Variants in C3orf22 observed in about 807,000 individuals in gnomAD.
C3orf22 encodes the protein uncharacterized protein C3orf22.
Under a neutral mutation model 10.8 loss-of-function variants are expected in C3orf22, and 7 were observed. That is an observed-to-expected ratio of 0.65 (90% confidence interval 0.37 to 1.22). The LOEUF (loss-of-function observed/expected upper bound fraction) is 1.22. Among genes scored for constraint, C3orf22 ranks in the 50% most tolerant of loss-of-function variants. The pLI is 0.02. For missense variants in C3orf22, 173 were observed against 177.0 expected (o/e 0.98, Z 0.13); for synonymous variants, 79 against 78.9 (o/e 1.00, Z 0.00).
intron 3 of C3orf22, among the ~76,000 whole-genome samples, chr3:126,551,146 C>T (rs1476098856): frequency 6.6e-6 from 1 of 152,186 alleles, no homozygotes; most frequent in African/African-American, 2.4e-5. Context: ...GCACTACTAT[C>T]TCTCCAGGTG....
intron 4 of C3orf22, chr3:126,536,205 C>G (rs1358240041): frequency 1.4e-6 from 2 of 1,447,100 alleles, no homozygotes; most frequent in Non-Finnish European, 1.9e-6. Context: ...GATGGGTTGG[C>G]CAAACCCCCA....
intron 4 of C3orf22, chr3:126,536,175 A>T: frequency 1.1e-6 from 1 of 942,818 alleles, no homozygotes. Context: ...TGAGTGCCAG[A>T]GGTGGGTCAA....
chr3:126,557,493 C>A (rs754979030), intron 1 of C3orf22, among the ~76,000 whole-genome samples: 6 of 152,224 alleles, frequency 3.9e-5, no homozygotes, highest in Admixed American at 1.3e-4. Flanking sequence ...CCATGCTGCT[C>A]ATCCATCCCT....
chr3:126,556,985 TACAG>T (rs984224341), intron 1 of C3orf22, among the ~76,000 whole-genome samples: 30 of 137,266 alleles, frequency 2.2e-4, no homozygotes, highest in Non-Finnish European at 4.0e-4. Flanking sequence ...TACACACACA[TACAG>T]ACACATAGAC....
At chr3:126,557,421 C>G (rs915397370) in intron 1 of C3orf22, among the ~76,000 whole-genome samples, 29 of 152,250 alleles carry the variant, frequency 1.9e-4, no homozygotes, top group African/African-American at 7.0e-4. Flanking sequence ...ATCTGGGATT[C>G]CGGAGTCCTC....
At chr3:126,528,703 G>A (rs1936585168) in intron 5 of C3orf22, among the ~76,000 whole-genome samples, 2 of 152,190 alleles carry the variant, frequency 1.3e-5, no homozygotes, top group South Asian at 2.1e-4. Context: ...GGGGATCTGG[G>A]CAGACTGGGG....
intron 4 of C3orf22, among the ~76,000 whole-genome samples, chr3:126,539,836 C>T (rs1190030283): frequency 1.2e-5 from 1 of 84,832 alleles, no homozygotes; most frequent in Non-Finnish European, 2.2e-5. Flanking sequence ...ACCACACACA[C>T]ACCACACACA....
At chr3:126,551,667 C>T (rs561227356) in intron 3 of C3orf22, among the ~76,000 whole-genome samples, 1 of 152,320 alleles carries the variant, frequency 6.6e-6, no homozygotes, top group East Asian at 1.9e-4. Flanking sequence ...AAGCTCCTGG[C>T]TCCTTCCCTT....
At chr3:126,542,201 C>G in intron 4 of C3orf22, 1 of 1,445,382 alleles carries the variant, frequency 6.9e-7, no homozygotes, top group South Asian at 1.4e-5. Flanking sequence ...CCCCGACGCC[C>G]GGGCCCGCGG....
rs1380656726 is a variant in C3orf22 at position 126,558,764 on chromosome 3, C to G, written c.-178G>C. On this transcript the variant is annotated 5_prime_UTR_variant, in exon 1 of 4. Coordinates refer to ENST00000318225, the MANE Select transcript of C3orf22 (RefSeq NM_152533.3). ...CTGGCAGGGCCCTGGCTACAGCCCTCTCTGGAAAGACCCAGTCCCAGGCTA... is the reference window on the plus strand; with the variant it reads ...CTGGCAGGGCCCTGGCTACAGCCCTGTCTGGAAAGACCCAGTCCCAGGCTA... The G allele has an allele frequency of 6.6e-6, 1 of 152,470 alleles. No homozygotes were observed. Among genetic ancestry groups the G allele is most frequent in the Non-Finnish European group, 1.5e-5 (1 of 68,256 alleles). The allele number at this position is 152,470 out of a possible 1,614,324, so 9.4% of individuals were successfully genotyped here. A position where few individuals can be genotyped will look rare whatever the true frequency, so the allele number is the denominator to read the frequency against.
intron 4 of C3orf22, among the ~76,000 whole-genome samples, chr3:126,533,377 T>C (rs1936698176): frequency 6.6e-6 from 1 of 152,210 alleles, no homozygotes; most frequent in South Asian, 2.1e-4. Context: ...ATGCCCTTTA[T>C]CAGTTTGGCA....
intron 4 of C3orf22, among the ~76,000 whole-genome samples, chr3:126,535,001 CAG>C (rs1936740662): frequency 6.7e-6 from 1 of 148,652 alleles, no homozygotes; most frequent in Admixed American, 6.7e-5. Flanking sequence ...GGGAGACAGA[CAG>C]ACAGCATCCC....
At chr3:126,554,755 A>G (rs1937287430) in intron 1 of C3orf22, among the ~76,000 whole-genome samples, 1 of 152,148 alleles carries the variant, frequency 6.6e-6, no homozygotes, top group African/African-American at 2.4e-5. Context: ...TGTTGTGACA[A>G]TGCCGACTGC....
intron 4 of C3orf22, among the ~76,000 whole-genome samples, chr3:126,530,952 G>A (rs901824031): frequency 2.6e-5 from 4 of 152,280 alleles, no homozygotes; most frequent in African/African-American, 4.8e-5. Context: ...CAGGCAGGGG[G>A]CAGCAGGACC....
intron 3 of C3orf22, among the ~76,000 whole-genome samples, chr3:126,550,680 C>A (rs907238286): frequency 2.0e-5 from 3 of 152,186 alleles, no homozygotes; most frequent in African/African-American, 7.2e-5. Context: ...TGCTCATGGG[C>A]CCGGCCGTAG....
At chr3:126,528,930 C>A (rs1338155297) in intron 5 of C3orf22, among the ~76,000 whole-genome samples, 3 of 152,260 alleles carry the variant, frequency 2.0e-5, no homozygotes, top group Non-Finnish European at 2.9e-5. Flanking sequence ...AGGAATGGGG[C>A]AGGACAGAGG....
intron 4 of C3orf22, among the ~76,000 whole-genome samples, chr3:126,540,472 G>A (rs966409163): frequency 6.6e-6 from 1 of 152,190 alleles, no homozygotes; most frequent in African/African-American, 2.4e-5. Context: ...ACCTCACTAA[G>A]TGGGACTGTT....
chr3:126,553,356 C>T lies in C3orf22; in HGVS notation c.35G>A (p.Ser12Asn). 6.2e-7 allele frequency: 1 copy of T among 1,614,118 alleles called. No individual in the cohort carries two copies. Among genetic ancestry groups the T allele is most frequent in the Non-Finnish European group, 8.5e-7 (1 of 1,180,018 alleles). ...CTGGGCCTGGATCCTCCACTTCTTA[C>T]TCTGGTGAGACTTCTTGCAGGCACT... The part of the protein sequence containing the change: ...DSSACKKSHQ[S>N]KKWRIQAQEN... Residue 12 changes from serine to asparagine, a missense_variant, in exon 2 of 4, where the codon AGT (serine) becomes AAT (asparagine). Ser to Asn is a conservative substitution (Grantham distance 46, BLOSUM62 1). Transcript: ENST00000318225.
chr3:126,529,338 T>G (rs1250724027), exon 5 of C3orf22: 1 of 1,289,344 alleles, frequency 7.8e-7, no homozygotes, highest in South Asian at 1.2e-5. Flanking sequence ...TGGGCTGGTA[T>G]TTCCTCATGG....
Sources: allele counts gnomAD v4.1 joint callset (sites outside exome capture counted in the v4.1 genomes callset), GRCh38; gene constraint gnomAD v4.1.1; transcripts MANE v1.5; gene names NCBI Gene and HGNC (gene_info 2026-07-23, HGNC 2026-07-21).